The following CD38 variants were observed in gnomAD, a reference collection of about 807,000 sequenced individuals.
CD38 encodes the protein CD38 molecule, also known as ADP-ribosyl cyclase/cyclic ADP-ribose hydrolase 1.
In CD38, 31 loss-of-function variants were observed where a neutral mutation model predicts 36.3. The observed-to-expected ratio is 0.85, with a 90% CI of 0.64 to 1.15. CD38 has a LOEUF of 1.15. Ranked by LOEUF, CD38 falls within the 50% of genes most tolerant of loss-of-function variation. The pLI is 0.00. For missense variants in CD38, 380 were observed against 371.9 expected, an observed-to-expected ratio of 1.02 and a Z score of -0.18; for synonymous variants, 131 against 135.2, an observed-to-expected ratio of 0.97 and a Z score of 0.22.
At position 15,851,742 on chromosome 4, in the gene CD38, G is replaced by C. The variant is rs1307522662; in HGVS notation, c.*3140G>C. The C allele has an allele frequency of 2.0e-5, 3 of 152,148 alleles. No individual in the cohort carries two copies. Among genetic ancestry groups the C allele is most frequent in the Non-Finnish European group, 2.9e-5 (2 of 68,034 alleles). 9.4% of individuals were successfully genotyped at this position (152,148 alleles called of 1,614,324 possible). ...AGCCTGCATACATCATATGCCAACA[G>C]TGGGGATATGTTCTGAGAAATGCAT... On this transcript the variant is annotated 3_prime_UTR_variant, in exon 8 of 8. Transcript: ENST00000226279.
At chr4:15,813,704 T>C (rs1723523572) in intron 1 of CD38, among the ~76,000 whole-genome samples, 1 of 152,056 alleles carries the variant, frequency 6.6e-6, no homozygotes, top group Non-Finnish European at 1.5e-5. Context: ...TGGTGTCTGG[T>C]TTTCTGTTCC....
chr4:15,830,409 C>T (rs1221036529), intron 3 of CD38, among the ~76,000 whole-genome samples: 1 of 152,182 alleles, frequency 6.6e-6, no homozygotes, highest in Non-Finnish European at 1.5e-5. Flanking sequence ...AATATGTATT[C>T]AAATCTTTTG....
chr4:15,816,006 C>T (rs970095995), intron 1 of CD38, among the ~76,000 whole-genome samples: 1 of 152,178 alleles, frequency 6.6e-6, no homozygotes, highest in African/African-American at 2.4e-5. Context: ...GACTTTTCTG[C>T]ATCTATTGAG....
At chr4:15,805,836 C>T (rs1723329298) in intron 1 of CD38, among the ~76,000 whole-genome samples, 1 of 152,210 alleles carries the variant, frequency 6.6e-6, no homozygotes, top group Non-Finnish European at 1.5e-5. Context: ...TTCTGGTAGC[C>T]TCAAATTTGA....
intron 1 of CD38, among the ~76,000 whole-genome samples, chr4:15,808,183 GT>G (rs1723383271): frequency 6.6e-6 from 1 of 152,202 alleles, no homozygotes; most frequent in Non-Finnish European, 1.5e-5. Flanking sequence ...GCAAGGAAGT[GT>G]TTGGGGAGAA....
At chr4:15,833,733 C>T (rs935828101) in intron 3 of CD38, among the ~76,000 whole-genome samples, 3 of 152,218 alleles carry the variant, frequency 2.0e-5, no homozygotes, top group African/African-American at 7.2e-5. Flanking sequence ...CATTGTACTT[C>T]ACTCAGGGTT....
chr4:15,835,278 T>C (rs1724041779), intron 4 of CD38, among the ~76,000 whole-genome samples: 1 of 151,954 alleles, frequency 6.6e-6, no homozygotes, highest in South Asian at 2.1e-4. Flanking sequence ...TGAGAGTATG[T>C]AGTATTTAAC....
At chr4:15,804,297 CAAAG>C (rs1467630001) in intron 1 of CD38, among the ~76,000 whole-genome samples, 1 of 152,044 alleles carries the variant, frequency 6.6e-6, no homozygotes, top group African/African-American at 2.4e-5. Flanking sequence ...GTATAAGCGA[CAAAG>C]AAAATTCTCA....
chr4:15,840,557 A>C lies in CD38; in HGVS notation c.839+19A>C. ...TCTACAGGTAATTAATTTCTTCTTG[A>C]AGAAAAAAATGACTGTCTTGTCACC... On this transcript the variant is annotated intron_variant, in intron 7 of 7. Transcript: ENST00000226279. 1 of 1,416,810 alleles carries C rather than the reference A, an allele frequency of 7.1e-7. No homozygotes were observed. Among genetic ancestry groups the C allele is most frequent in the Non-Finnish European group, 9.9e-7 (1 of 1,007,990 alleles). The allele number at this position is 1,416,810 out of a possible 1,614,324, so 87.8% of individuals were successfully genotyped here. A position where few individuals can be genotyped will look rare whatever the true frequency, so the allele number is the denominator to read the frequency against.
chr4:15,816,671 C>T lies in CD38; in HGVS notation c.363+31C>T, dbSNP rs561791319. 9 of 1,611,542 alleles carry T rather than the reference C, an allele frequency of 5.6e-6. No homozygotes were observed. In the East Asian group the frequency reaches 2.0e-4, roughly 36 times the overall value. ...TGGGGGCATGCCATTGATTTTAAAA[C>T]TGGGGATAAAAGCCAATGGTAACAA... is the stretch of plus-strand genomic sequence containing the variant. On this transcript the variant is annotated intron_variant, in intron 2 of 7. Coordinates refer to ENST00000226279, the MANE Select transcript of CD38 (RefSeq NM_001775.4).
At position 15,778,545 on chromosome 4, in the gene CD38, C is replaced by G; in HGVS notation, c.131C>G (p.Pro44Arg). 6.2e-7 allele frequency: 1 copy of G among 1,612,372 alleles called. No individual in the cohort carries two copies. ...ILVVVLAVVV[P>R]RWRQQWSGPG... is the part of the protein sequence containing the mutation. Reference sequence around the variant, plus strand: ...GTCGTGGTGCTCGCGGTGGTCGTCCCGAGGTGGCGCCAGCAGTGGAGCGGT... The same window carrying G: ...GTCGTGGTGCTCGCGGTGGTCGTCCGGAGGTGGCGCCAGCAGTGGAGCGGT... The change falls in exon 1 of 8, where the codon CCG (proline) becomes CGG (arginine). Residue 44 changes from proline (P) to arginine (R), a missense_variant. Pro to Arg is a moderately radical substitution (Grantham distance 103, BLOSUM62 -2). Coordinates refer to ENST00000226279, the MANE Select transcript of CD38 (RefSeq NM_001775.4). This position sits in a 1 kb window ranked among gnomAD's most constrained non-coding sequence, Gnocchi z 4.9.
At position 15,778,556 on chromosome 4, in the gene CD38, C is replaced by T; in HGVS notation, c.142C>T (p.Gln48Ter). ...VLAVVVPRWR[Q>*]QWSGPGTTKR... ...CGCGGTGGTCGTCCCGAGGTGGCGCCAGCAGTGGAGCGGTCCGGGCACCAC... is the reference window on the plus strand; with the variant it reads ...CGCGGTGGTCGTCCCGAGGTGGCGCTAGCAGTGGAGCGGTCCGGGCACCAC... Residue 48 changes from glutamine (Q) to a stop codon, truncating the protein, a stop_gained, in exon 1 of 8, where the codon CAG (glutamine) becomes TAG (stop). Coordinates refer to ENST00000226279, the MANE Select transcript of CD38 (RefSeq NM_001775.4). LOFTEE classifies it high-confidence loss of function. This position sits in a 1 kb window ranked among gnomAD's most constrained non-coding sequence, Gnocchi z 4.9. 2 of 1,612,582 alleles carry T rather than the reference C, an allele frequency of 1.2e-6. No homozygotes were observed. The highest frequency in any genetic ancestry group is 2.2e-5 in the East Asian group (1 of 44,748).
intron 1 of CD38, among the ~76,000 whole-genome samples, chr4:15,808,848 A>T (rs937499212): frequency 1.3e-5 from 2 of 152,210 alleles, no homozygotes; most frequent in African/African-American, 4.8e-5. Context: ...GCTATTCAAG[A>T]AAAGCTTTTC....
At chr4:15,781,270 T>C (rs554305595) in intron 1 of CD38, among the ~76,000 whole-genome samples, 321 of 152,358 alleles carry the variant, frequency 2.1e-3, no homozygotes, top group African/African-American at 7.2e-3. Context: ...GCCTTTCTTC[T>C]AGTTGCTAAC....
intron 1 of CD38, among the ~76,000 whole-genome samples, chr4:15,808,607 C>A (rs1306946291): frequency 1.3e-5 from 2 of 152,226 alleles, no homozygotes; most frequent in Non-Finnish European, 2.9e-5. Context: ...GCTATTCTTA[C>A]AACATGGATT....
chr4:15,780,965 G>T (rs898888103), intron 1 of CD38, among the ~76,000 whole-genome samples: 1 of 152,022 alleles, frequency 6.6e-6, no homozygotes, highest in African/African-American at 2.4e-5. Flanking sequence ...AAAATTAGCC[G>T]GGTGTTGTGG....
intron 4 of CD38, among the ~76,000 whole-genome samples, chr4:15,836,938 G>A (rs756134238): frequency 1.3e-5 from 2 of 152,190 alleles, no homozygotes; most frequent in African/African-American, 2.4e-5. Context: ...TTACTGCAAT[G>A]TTTAAATGAG....
intron 2 of CD38, among the ~76,000 whole-genome samples, chr4:15,817,532 T>C (rs1723627295): frequency 6.6e-6 from 1 of 152,258 alleles, no homozygotes; most frequent in African/African-American, 2.4e-5. Flanking sequence ...ATGGATAGTA[T>C]GCTAAGCAAT....
chr4:15,778,900 G>A lies in CD38; in HGVS notation c.233+253G>A, dbSNP rs1467545554. On this transcript the variant is annotated intron_variant, in intron 1 of 7. Transcript: ENST00000226279. This position sits in a 1 kb window ranked among gnomAD's most constrained non-coding sequence, Gnocchi z 4.9. Reference sequence around the variant, plus strand: ...TGCTCGGTGGCTCTGCTGCGTAGCCGGTGAACACTTGGCACCGATGCCCGC... The same window carrying A: ...TGCTCGGTGGCTCTGCTGCGTAGCCAGTGAACACTTGGCACCGATGCCCGC... Among the ~76,000 whole-genome samples, 5 of 151,818 alleles carry A rather than the reference G, an allele frequency of 3.3e-5. No homozygotes were observed. The East Asian group carries it at 7.8e-4, about 24-fold the overall frequency.
Sources: gnomAD v4.1 joint callset for allele counts (sites outside exome capture counted in the v4.1 genomes callset) on GRCh38, gnomAD v4.1.1 for gene constraint, Gnocchi (gnomAD v3.1) non-coding constraint, MANE v1.5 for transcripts, NCBI Gene and HGNC (gene_info 2026-07-23, HGNC 2026-07-21) for gene names.